Variants in PYGB observed in about 807,000 individuals in gnomAD.
PYGB encodes the protein glycogen phosphorylase B, also known as glycogen phosphorylase, brain form.
A neutral mutation model predicts 94.3 loss-of-function variants in PYGB; 82 were observed. The ratio of observed to expected loss-of-function variants is 0.87; its 90% CI spans 0.73 to 1.04. PYGB has a LOEUF of 1.04. Ranked by LOEUF, PYGB falls within the 50% of genes least tolerant of loss-of-function variation. The probability of loss-of-function intolerance (pLI) is 0.00; values close to 1 mark genes in which losing one functional copy is unlikely to be tolerated. For missense variants in PYGB, 1,132 were observed against 1,158.2 expected (o/e 0.98, Z 0.33); for synonymous variants, 488 against 479.1 (o/e 1.02, Z -0.24).
At position 25,271,428 on chromosome 20, in the gene PYGB, G is replaced by C. The variant is rs2088266807; in HGVS notation, c.470G>C (p.Gly157Ala). Residue 157 changes from glycine (G) to alanine (A), a missense_variant, in exon 4 of 20, where the codon GGC becomes GCC. Physicochemically the swap from Gly to Ala is moderately conservative, Grantham distance 60. Transcript: ENST00000216962. Reference protein sequence around the residue: ...SMATLGLAAYGYGIRYEFGIF... With the variant: ...SMATLGLAAYAYGIRYEFGIF... Reference sequence around the variant, plus strand: ...GCTACCTTGGGCCTGGCAGCATACGGCTATGGAATCCGCTATGAATTTGGG... The same window carrying C: ...GCTACCTTGGGCCTGGCAGCATACGCCTATGGAATCCGCTATGAATTTGGG... The C allele has an allele frequency of 1.2e-6, 2 of 1,614,072 alleles. No homozygotes were observed. The highest frequency in any genetic ancestry group is 3.3e-5 in the Admixed American group (2 of 60,004).
At position 25,294,186 on chromosome 20, in the gene PYGB, C is replaced by G; in HGVS notation, c.2206C>G (p.Leu736Val). Residue 736 changes from leucine (L) to valine (V), a missense_variant, in exon 18 of 20, where the codon CTG becomes GTG. Leu to Val is a conservative substitution (Grantham distance 32). Transcript: ENST00000216962. ...CAATGCCAGGGAGTACTACGACCAC[C>G]TGCCCGAGCTGAAGCAGGCCGTGGA... is the stretch of plus-strand genomic sequence containing the variant. Reference protein sequence around the residue: ...GYNAREYYDHLPELKQAVDQI... With the variant: ...GYNAREYYDHVPELKQAVDQI... 1 of 1,613,948 alleles carries G rather than the reference C, an allele frequency of 6.2e-7. No homozygotes were observed. Among genetic ancestry groups the G allele is most frequent in the Admixed American group, 1.7e-5 (1 of 60,020 alleles).
At chr20:25,286,501 C>T (rs2088419434) in intron 14 of PYGB, among the ~76,000 whole-genome samples, 1 of 152,224 alleles carries the variant, frequency 6.6e-6, no homozygotes, top group Non-Finnish European at 1.5e-5. Flanking sequence ...CACTCCCCTC[C>T]TGTGGCCTGT....
intron 16 of PYGB, 85 bp from the exon 17 acceptor site, chr20:25,292,321 T>A: frequency 2.7e-6 from 4 of 1,488,214 alleles, no homozygotes; most frequent in Non-Finnish European, 3.7e-6. Context: ...CCCGGGTGGA[T>A]GGGCCGGCTT....
chr20:25,295,887 A>G (rs556523138), intron 19 of PYGB, among the ~76,000 whole-genome samples: 1 of 152,316 alleles, frequency 6.6e-6, no homozygotes, highest in African/African-American at 2.4e-5. Flanking sequence ...CTAATGGCCA[A>G]GAAAGGAATG....
At chr20:25,255,016 C>T (rs1168122402) in intron 1 of PYGB, among the ~76,000 whole-genome samples, 1 of 152,200 alleles carries the variant, frequency 6.6e-6, no homozygotes, top group Admixed American at 6.5e-5. Flanking sequence ...AGGAAATCCA[C>T]GATCCACGTT....
rs558111607 is a variant in PYGB at position 25,259,322 on chromosome 20, A to T, written c.329A>T (p.Asp110Val). ...MVNLGLQNAC[D>V]EAIYQLGLDL... ...AACCTGGGCCTTCAGAATGCCTGCG[A>T]TGAAGCCATCTATCAGGTACAGAGC... Residue 110 changes from aspartate (D) to valine (V), a missense_variant, in exon 2 of 20, where the codon GAT becomes GTT. By Grantham distance (152) the Asp-to-Val change is radical (BLOSUM62 -3). Coordinates refer to ENST00000216962, the MANE Select transcript of PYGB (RefSeq NM_002862.4). 12 of 1,608,534 alleles carry T rather than the reference A, an allele frequency of 7.5e-6. No individual in the cohort carries two copies. In the African/African-American group the frequency reaches 1.2e-4, roughly 16 times the overall value.
intron 15 of PYGB, among the ~76,000 whole-genome samples, chr20:25,288,874 G>C (rs2088441721): frequency 6.6e-6 from 1 of 152,198 alleles, no homozygotes; most frequent in Admixed American, 6.5e-5. Context: ...TACTTTCAGA[G>C]TCCTAGATGT....
At chr20:25,262,666 T>TACACA in intron 2 of PYGB, among the ~76,000 whole-genome samples, 1 of 145,350 alleles carries the variant, frequency 6.9e-6, no homozygotes, top group African/African-American at 2.7e-5. Flanking sequence ...TGCTCCATTT[T>TACACA]GACTTGACTG....
intron 4 of PYGB, among the ~76,000 whole-genome samples, chr20:25,272,985 T>C (rs1416032182): frequency 6.6e-6 from 1 of 152,240 alleles, no homozygotes; most frequent in Non-Finnish European, 1.5e-5. Context: ...CTTGCAACTT[T>C]GTGTGATAGT....
chr20:25,264,279 AAAT>A (rs1278396967), intron 2 of PYGB, among the ~76,000 whole-genome samples: 1 of 152,208 alleles, frequency 6.6e-6, no homozygotes, highest in Non-Finnish European at 1.5e-5. Context: ...ACATATCTCA[AAAT>A]AATAAGAGCT....
At chr20:25,248,528 G>T in intron 1 of PYGB, 107 bp downstream of exon 1, 1 of 1,220,166 alleles carries the variant, frequency 8.2e-7, no homozygotes, top group Non-Finnish European at 1.0e-6. Flanking sequence ...CGTTACCTGC[G>T]CCCCTAGCCG....
chr20:25,294,283 AC>A lies in PYGB; in HGVS notation c.2305del (p.His769MetfsTer131). 1 of 1,365,924 alleles carries A rather than the reference AC, an allele frequency of 7.3e-7. No homozygotes were observed. Among genetic ancestry groups the A allele is most frequent in the Non-Finnish European group, 9.8e-7 (1 of 1,023,290 alleles). The allele number at this position is 1,365,924 out of a possible 1,614,324, so 84.6% of individuals were successfully genotyped here. A position where few individuals can be genotyped will look rare whatever the true frequency, so the allele number is the denominator to read the frequency against. Reference protein sequence around the residue: ...CFKDIVNMLMHHDRFKVFADY... With the variant: ...CFKDIVNMLMXHDRFKVFADY... ...AAGGACATCGTGAACATGCTGATGC[AC>A]CATGACAGGTGGGACCGACTTCCCT... is the stretch of plus-strand genomic sequence containing the variant. On this transcript the variant is annotated frameshift_variant, in exon 18 of 20. Transcript: ENST00000216962. LOFTEE classifies it high-confidence loss of function.
chr20:25,272,374 T>C (rs1195178188), intron 4 of PYGB, among the ~76,000 whole-genome samples: 2 of 152,184 alleles, frequency 1.3e-5, no homozygotes, highest in Non-Finnish European at 2.9e-5. Flanking sequence ...GGCTCGTCCA[T>C]GGCGTCTGTA....
intron 3 of PYGB, 91 bp downstream of exon 3, chr20:25,269,298 A>G: frequency 9.2e-7 from 1 of 1,092,832 alleles, no homozygotes; most frequent in East Asian, 2.5e-5. Flanking sequence ...AATTGGCCTC[A>G]GGGTAAATTG....
intron 17 of PYGB, 41 bp from the exon 18 acceptor site, chr20:25,294,117 C>A (rs779812800): frequency 6.2e-7 from 1 of 1,606,084 alleles, no homozygotes; most frequent in Non-Finnish European, 8.5e-7. Flanking sequence ...GGTGGCCCAC[C>A]TGGGGCGCTG....
At chr20:25,295,040 A>G (rs907451810) in intron 18 of PYGB, 3 of 1,613,980 alleles carry the variant, frequency 1.9e-6, no homozygotes, top group African/African-American at 2.7e-5. Context: ...TCTGTGATAA[A>G]GGAAGTGCTT....
chr20:25,255,549 G>A (rs1445401332), intron 1 of PYGB, among the ~76,000 whole-genome samples: 1 of 152,226 alleles, frequency 6.6e-6, no homozygotes, highest in Non-Finnish European at 1.5e-5. Flanking sequence ...ACTCTGCCCT[G>A]TGAGTCACTC....
At position 25,288,531 on chromosome 20, in the gene PYGB, T is replaced by C. The variant is rs374356899; in HGVS notation, c.1827+48T>C. 31 of 1,593,856 alleles carry C rather than the reference T, an allele frequency of 1.9e-5. No individual in the cohort carries two copies. In the African/African-American group the frequency reaches 3.9e-4, roughly 20 times the overall value. On this transcript the variant is annotated intron_variant, in intron 15 of 19. Transcript: ENST00000216962. ...CTCTCTGTGGTGTTTGGTCTGGGGA[T>C]AGTGGGTGGGCAGCCTGCACGCTTC... is the stretch of plus-strand genomic sequence containing the variant.
chr20:25,263,364 TCACAAAAGAA>T (rs1404861591), intron 2 of PYGB, among the ~76,000 whole-genome samples: 1 of 151,460 alleles, frequency 6.6e-6, no homozygotes, highest in Admixed American at 6.6e-5. Flanking sequence ...TCCTGAATAA[TCACAAAAGAA>T]CTAGAGAAGC....
Sources: gnomAD v4.1 joint callset for allele counts (sites outside exome capture counted in the v4.1 genomes callset) on GRCh38, gnomAD v4.1.1 for gene constraint, MANE v1.5 for transcripts, NCBI Gene and HGNC (gene_info 2026-07-23, HGNC 2026-07-21) for gene names.